BST1: variants seen among roughly 807,000 people sequenced by gnomAD.
BST1 encodes bone marrow stromal cell antigen 1.
In BST1, 49 loss-of-function variants were observed where a neutral mutation model predicts 40.6. The ratio of observed to expected loss-of-function variants is 1.21; its 90% CI spans 0.96 to 1.53. The LOEUF (loss-of-function observed/expected upper bound fraction) is 1.53. BST1 is among the 40% of genes most tolerant of loss of function. The probability of loss-of-function intolerance (pLI) is 0.00; values close to 1 mark genes in which losing one functional copy is unlikely to be tolerated. For missense variants in BST1, 423 were observed against 395.9 expected (o/e 1.07, Z -0.58); for synonymous variants, 157 against 159.3 (o/e 0.99, Z 0.11).
downstream of BST1, among the ~76,000 whole-genome samples, chr4:15,740,695 T>C (rs186145975): frequency 9.9e-5 from 15 of 152,224 alleles, no homozygotes; most frequent in East Asian, 2.1e-3. Context: ...GAGCTGAGGA[T>C]ATTAAAATAA....
the BST1 span, among the ~76,000 whole-genome samples, chr4:15,747,999 G>A: frequency 6.6e-6 from 1 of 152,074 alleles, no homozygotes; most frequent in Non-Finnish European, 1.5e-5. Flanking sequence ...TTTATTTCAG[G>A]CCTTCTTTTC....
chr4:15,726,868 T>G (rs1280881358), intron 8 of BST1, among the ~76,000 whole-genome samples: 1 of 139,718 alleles, frequency 7.2e-6, no homozygotes, highest in East Asian at 2.5e-4. Flanking sequence ...TTTTCCTCGG[T>G]ATTTTTTTTT....
chr4:15,761,556 A>G, the BST1 span, among the ~76,000 whole-genome samples: 1 of 151,950 alleles, frequency 6.6e-6, no homozygotes, highest in Non-Finnish European at 1.5e-5. Flanking sequence ...TAAAACATAA[A>G]ATATGAGAAA....
intron 8 of BST1, chr4:15,731,001 A>G (rs1577597458): frequency 3.4e-6 from 2 of 584,388 alleles, no homozygotes; most frequent in Non-Finnish European, 5.5e-6. Flanking sequence ...TGCTCTCGAT[A>G]TATAAGGCCC....
chr4:15,760,677 AC>A, the BST1 span, among the ~76,000 whole-genome samples: 1 of 150,776 alleles, frequency 6.6e-6, no homozygotes, highest in Non-Finnish European at 1.5e-5. Context: ...ATAAATATAT[AC>A]TATATATTTA....
At chr4:15,754,948 C>T in the BST1 span, among the ~76,000 whole-genome samples, 147 of 152,238 alleles carry the variant, frequency 9.7e-4, no homozygotes, top group Middle Eastern at 3.4e-3. Context: ...CAAAAGGAAG[C>T]ATTAAACACA....
At chr4:15,731,190 G>T in intron 8 of BST1, 2 of 433,482 alleles carry the variant, frequency 4.6e-6, no homozygotes, top group South Asian at 2.2e-5. Context: ...CATCCACTTT[G>T]GCCACCATGT....
chr4:15,755,177 C>T, the BST1 span, among the ~76,000 whole-genome samples: 3 of 152,080 alleles, frequency 2.0e-5, no homozygotes, highest in East Asian at 3.8e-4. Flanking sequence ...CTCACTCTGT[C>T]GCCCAGGCTG....
At chr4:15,730,411 C>G (rs1721315600) in intron 8 of BST1, among the ~76,000 whole-genome samples, 1 of 152,180 alleles carries the variant, frequency 6.6e-6, no homozygotes, top group Non-Finnish European at 1.5e-5. Context: ...TTTTTCTTCA[C>G]CACTTAAACT....
intron 8 of BST1, chr4:15,730,886 T>C: frequency 4.6e-6 from 1 of 215,732 alleles, no homozygotes; most frequent in Admixed American, 5.4e-5. Context: ...ATATACTATG[T>C]ACATTTCTCC....
At chr4:15,764,122 G>T in the BST1 span, among the ~76,000 whole-genome samples, 1 of 151,998 alleles carries the variant, frequency 6.6e-6, no homozygotes, top group African/African-American at 2.4e-5. Flanking sequence ...GTGGGATGTT[G>T]ATAGTGGAGG....
the BST1 span, among the ~76,000 whole-genome samples, chr4:15,771,831 A>G: frequency 6.6e-6 from 1 of 152,226 alleles, no homozygotes; most frequent in Non-Finnish European, 1.5e-5. Flanking sequence ...TCATTTATAC[A>G]GGTCTAGTTA....
rs991631618 is a variant in BST1 at position 15,731,794 on chromosome 4, G to A, written c.906G>A (p.Ala302=). ...CAAGTCTTTATACAGAACAAAGGGC[G>A]GGTCTTATCATTCCCCTCTTTCTGG... The part of the protein sequence containing the change: ...KAPSLYTEQR[A]GLIIPLFLVL... The change falls in exon 9 of 9, where the codon GCG becomes GCA. Residue 302 remains alanine, a synonymous_variant. Transcript: ENST00000265016. 1.1e-5 allele frequency: 18 copies of A among 1,613,612 alleles called. No homozygotes were observed. Among genetic ancestry groups the A allele is most frequent in the Admixed American group, 1.7e-5 (1 of 59,934 alleles).
intron 7 of BST1, among the ~76,000 whole-genome samples, chr4:15,722,496 T>C (rs1339550093): frequency 6.6e-6 from 1 of 152,078 alleles, no homozygotes; most frequent in Non-Finnish European, 1.5e-5. Context: ...GGTGCGATCA[T>C]AGCTCACTGC....
intron 3 of BST1, among the ~76,000 whole-genome samples, 188 bp downstream of exon 3, chr4:15,707,834 A>ACTCTCT (rs146353876): frequency 0.091 from 9,693 of 106,668 alleles, 476 homozygotes; most frequent in East Asian, 0.22. Context: ...CAGTCTAAGC[A>ACTCTCT]CTCTCTCTCT....
chr4:15,763,851 T>C, the BST1 span, among the ~76,000 whole-genome samples: 1 of 152,008 alleles, frequency 6.6e-6, no homozygotes, highest in Non-Finnish European at 1.5e-5. Flanking sequence ...TCCAGCTGTA[T>C]GACATTGTGG....
At chr4:15,770,963 G>T in the BST1 span, among the ~76,000 whole-genome samples, 7 of 152,268 alleles carry the variant, frequency 4.6e-5, no homozygotes, top group Admixed American at 4.6e-4. Context: ...AGCCCACCCA[G>T]GTCTACCTGA....
chr4:15,766,274 A>G, the BST1 span, among the ~76,000 whole-genome samples: 1 of 151,974 alleles, frequency 6.6e-6, no homozygotes, highest in African/African-American at 2.4e-5. Context: ...GATGTCTCAG[A>G]TTTGGAGTGT....
intron 7 of BST1, 116 bp downstream of exon 7, chr4:15,719,109 G>T: frequency 1.1e-6 from 1 of 889,778 alleles, no homozygotes; most frequent in Non-Finnish European, 1.7e-6. Context: ...TGTCTTCCGG[G>T]TGGCTTCTCG....
Sources: gnomAD v4.1 joint callset for allele counts (sites outside exome capture counted in the v4.1 genomes callset) on GRCh38, gnomAD v4.1.1 for gene constraint, MANE v1.5 for transcripts, NCBI Gene and HGNC (gene_info 2026-07-23, HGNC 2026-07-21) for gene names.